The following TAF8 variants were observed in gnomAD, a reference collection of about 807,000 sequenced individuals.
The protein encoded by TAF8 is TATA-box binding protein associated factor 8.
Under a neutral mutation model 36.5 loss-of-function variants are expected in TAF8, and 47 were observed. That is an observed-to-expected ratio of 1.29 (90% CI 1.02 to 1.64). The LOEUF (loss-of-function observed/expected upper bound fraction) is 1.64. TAF8 is among the 40% of genes most tolerant of loss of function. TAF8 has a pLI of 0.00. For missense variants in TAF8, 420 were observed against 407.6 expected, an observed-to-expected ratio of 1.03 and a Z score of -0.26; for synonymous variants, 175 against 159.5, an observed-to-expected ratio of 1.10 and a Z score of -0.73.
chr6:42,083,901 G>C (rs985610593), downstream of TAF8, among the ~76,000 whole-genome samples: 1 of 152,212 alleles, frequency 6.6e-6, no homozygotes, highest in Non-Finnish European at 1.5e-5. Flanking sequence ...AGATGGACCT[G>C]CTGGGCACGG....
rs1765879875 is a variant in TAF8, at chr6:42,080,200, A to G, written c.*2655A>G. ...GCCGTGGCCAATCCCAGCTGTTCTCACTGCTCTTGGGAGGTGTTGTCCCAG... is the reference window on the plus strand; with the variant it reads ...GCCGTGGCCAATCCCAGCTGTTCTCGCTGCTCTTGGGAGGTGTTGTCCCAG... On this transcript the variant is annotated 3_prime_UTR_variant, in exon 9 of 9. Coordinates refer to ENST00000372977, the MANE Select transcript of TAF8 (RefSeq NM_138572.3). 1 of 984,964 alleles carries G rather than the reference A, an allele frequency of 1.0e-6. No homozygotes were observed. Among genetic ancestry groups the G allele is most frequent in the Non-Finnish European group, 1.2e-6 (1 of 829,728 alleles). The allele number at this position is 984,964 out of a possible 1,614,324, so 61.0% of individuals were successfully genotyped here. A position where few individuals can be genotyped will look rare whatever the true frequency, so the allele number is the denominator to read the frequency against.
In TAF8 at chr6:42,076,933, C is replaced by T. The variant is rs371386276; in HGVS notation, c.781-167C>T. The stretch of plus-strand genomic sequence containing the variant: ...TCTTGCCTTCCCTTCATAGCCAGCC[C>T]CTGCCTGGTCCTCGCTTCATCGGGG... On this transcript the variant is annotated intron_variant, in intron 7 of 8. Transcript: ENST00000372977. 7.2e-5 allele frequency among the ~76,000 whole-genome samples: 11 copies of T among 152,160 alleles called. No homozygotes were observed. The East Asian group carries it at 1.3e-3, about 19-fold the overall frequency.
chr6:42,065,703 G>A (rs1323639891), intron 5 of TAF8, among the ~76,000 whole-genome samples: 1 of 152,266 alleles, frequency 6.6e-6, no homozygotes, highest in Admixed American at 6.5e-5. Context: ...TTCACGATGC[G>A]TCTCTTAGAC....
chr6:42,072,342 CAT>C (rs1765608172), intron 7 of TAF8, among the ~76,000 whole-genome samples: 2 of 152,204 alleles, frequency 1.3e-5, no homozygotes, highest in South Asian at 2.1e-4. Context: ...GAAATACAAT[CAT>C]ATGTTTCAAA....
In TAF8 at chr6:42,079,714, A is replaced by ATT; in HGVS notation, c.*2169_*2170insTT. ...CAGATGCCCGCCACCACATCTGGCT[A>ATT]ATTTTTTTTTTTTTTTTTTAGTAGA... On this transcript the variant is annotated 3_prime_UTR_variant, in exon 9 of 9. Coordinates refer to ENST00000372977, the MANE Select transcript of TAF8 (RefSeq NM_138572.3). The ATT allele has an allele frequency of 2.0e-6, 1 of 498,090 alleles. No homozygotes were observed. The highest frequency in any genetic ancestry group is 2.5e-6 in the Non-Finnish European group (1 of 394,772). 30.9% of individuals were successfully genotyped at this position (498,090 alleles called of 1,614,324 possible).
intron 5 of TAF8, among the ~76,000 whole-genome samples, chr6:42,058,825 G>A (rs890359572): frequency 6.6e-6 from 1 of 152,120 alleles, no homozygotes; most frequent in Non-Finnish European, 1.5e-5. Flanking sequence ...AACCTGTAGG[G>A]GAGTCCCTCC....
chr6:42,071,197 T>TC (rs1169061941), intron 7 of TAF8: 15 of 166,174 alleles, frequency 9.0e-5, no homozygotes, highest in African/African-American at 3.4e-4. Context: ...GGACTGAGCA[T>TC]CCCTTATGTT....
chr6:42,060,970 C>G (rs907007028), intron 5 of TAF8, among the ~76,000 whole-genome samples: 4 of 152,160 alleles, frequency 2.6e-5, no homozygotes, highest in South Asian at 2.1e-4. Context: ...AATAATTTCT[C>G]TTGACTCTGA....
At chr6:42,050,968 G>C in intron 1 of TAF8, 1 of 1,098,284 alleles carries the variant, frequency 9.1e-7, no homozygotes, top group Non-Finnish European at 1.1e-6. Flanking sequence ...TCTTGTTACT[G>C]TTTTCATTTT....
chr6:42,054,893 C>T (rs1008298231), intron 2 of TAF8, among the ~76,000 whole-genome samples: 4 of 151,840 alleles, frequency 2.6e-5, no homozygotes, highest in Non-Finnish European at 5.9e-5. Context: ...GCGTGAGCCA[C>T]CACACCTGGC....
intron 5 of TAF8, among the ~76,000 whole-genome samples, chr6:42,065,783 T>G (rs1372077319): frequency 1.3e-5 from 2 of 152,270 alleles, no homozygotes; most frequent in African/African-American, 4.8e-5. Flanking sequence ...TTTGTACATT[T>G]CTTAATTTTT....
intron 7 of TAF8, among the ~76,000 whole-genome samples, chr6:42,069,569 G>A (rs758816094): frequency 2.0e-5 from 3 of 152,192 alleles, no homozygotes; most frequent in Admixed American, 2.0e-4. Context: ...ACAACCACCG[G>A]GTAGAACAGG....
intron 1 of TAF8, 105 bp from the exon 2 acceptor site, chr6:42,051,252 A>C: frequency 7.3e-7 from 1 of 1,360,698 alleles, no homozygotes; most frequent in Non-Finnish European, 9.9e-7. Flanking sequence ...ACTGATTTTT[A>C]AAATAAAATT....
intron 2 of TAF8, among the ~76,000 whole-genome samples, chr6:42,052,776 A>T (rs551290395): frequency 6.6e-6 from 1 of 152,144 alleles, no homozygotes; most frequent in Non-Finnish European, 1.5e-5. Flanking sequence ...TTTCTTAGGG[A>T]TCAACAACTA....
At chr6:42,056,748 G>A (rs1304608192) in intron 4 of TAF8, among the ~76,000 whole-genome samples, 1 of 152,166 alleles carries the variant, frequency 6.6e-6, no homozygotes, top group Non-Finnish European at 1.5e-5. Flanking sequence ...TGGGATTACA[G>A]GCGCTCGCCA....
At chr6:42,084,637 A>G (rs1754030806), downstream of TAF8, among the ~76,000 whole-genome samples, 1 of 151,742 alleles carries the variant, frequency 6.6e-6, no homozygotes, top group Admixed American at 6.6e-5. Context: ...TGATTTTTGT[A>G]TTTTTAATAG....
At chr6:42,086,389 C>T (rs1395075412), downstream of TAF8, among the ~76,000 whole-genome samples, 3 of 152,214 alleles carry the variant, frequency 2.0e-5, no homozygotes, top group South Asian at 2.1e-4. Context: ...TTTTGAAATA[C>T]GGTGTCCTCA....
chr6:42,086,728 A>C, downstream of TAF8: 1 of 1,551,254 alleles, frequency 6.4e-7, no homozygotes, highest in Non-Finnish European at 8.7e-7. Flanking sequence ...GGCCAGATAC[A>C]TTCTAGAGAA....
intron 5 of TAF8, among the ~76,000 whole-genome samples, 196 bp from the exon 6 acceptor site, chr6:42,066,116 G>C (rs1026337629): frequency 6.6e-6 from 1 of 152,166 alleles, no homozygotes; most frequent in Non-Finnish European, 1.5e-5. Context: ...GGCCAGGCTG[G>C]TCTCAAACTC....
Sources: allele counts gnomAD v4.1 joint callset (sites outside exome capture counted in the v4.1 genomes callset), GRCh38; gene constraint gnomAD v4.1.1; transcripts MANE v1.5; gene names NCBI Gene and HGNC (gene_info 2026-07-23, HGNC 2026-07-21).